Variants in CSMD1 observed in about 807,000 individuals in gnomAD.
CSMD1 encodes the protein CUB and Sushi multiple domains 1.
CSMD1 carries 213 observed loss-of-function variants against 417.5 expected under a neutral mutation model. The ratio of observed to expected loss-of-function variants is 0.51; its 90% CI spans 0.46 to 0.57. CSMD1 has a LOEUF of 0.57. Ranked by LOEUF, CSMD1 falls within the 20% of genes least tolerant of loss-of-function variation. The probability of loss-of-function intolerance (pLI) is 0.00; values close to 1 mark genes in which losing one functional copy is unlikely to be tolerated. For missense variants in CSMD1, 6,923 were observed against 4,529.7 expected, an observed-to-expected ratio of 1.53 and a Z score of -15.17; for synonymous variants, 2,862 against 1,736.8, an observed-to-expected ratio of 1.65 and a Z score of -16.11.
intron 1 of CSMD1, among the ~76,000 whole-genome samples, chr8:4,769,690 G>A (rs944479635): frequency 1.3e-5 from 2 of 152,152 alleles, no homozygotes; most frequent in African/African-American, 2.4e-5. Context: ...GGAGCTGCAC[G>A]TCAGTTGCAT....
At position 4,041,207 on chromosome 8, in the gene CSMD1, C is replaced by T. The variant is rs1020136637; in HGVS notation, c.416-9108G>A. Among the ~76,000 whole-genome samples, 23 of 151,752 alleles carry T rather than the reference C, an allele frequency of 1.5e-4. 1 individual carries two copies. The highest frequency in any genetic ancestry group is 9.2e-4 in the Admixed American group (14 of 15,248). On this transcript the variant is annotated intron_variant, in intron 3 of 69. Transcript: ENST00000635120. ...AATTTTTTTGTATTTTTGGTAGAGA[C>T]GGGGTTTCACCGTGTTAGCCAGGAT...
intron 42 of CSMD1, among the ~76,000 whole-genome samples, chr8:3,110,627 C>G (rs529100337): frequency 6.6e-6 from 1 of 152,304 alleles, no homozygotes; most frequent in African/African-American, 2.4e-5. Context: ...CCTTAGTTAA[C>G]ACTTGTGACC....
intron 26 of CSMD1, among the ~76,000 whole-genome samples, chr8:3,249,490 C>T (rs763808336): frequency 6.6e-6 from 1 of 152,114 alleles, no homozygotes; most frequent in Non-Finnish European, 1.5e-5. Flanking sequence ...TCCCAAAATG[C>T]TGGGATTACA....
intron 2 of CSMD1, among the ~76,000 whole-genome samples, chr8:4,518,204 A>T (rs921190422): frequency 1.3e-5 from 2 of 152,158 alleles, no homozygotes; most frequent in African/African-American, 4.8e-5. Flanking sequence ...GGGCTGACTC[A>T]ATGCCTCATG....
chr8:3,679,835 A>G (rs557803672), intron 7 of CSMD1, among the ~76,000 whole-genome samples: 1 of 152,104 alleles, frequency 6.6e-6, no homozygotes, highest in African/African-American at 2.4e-5. Flanking sequence ...AACAAACTGT[A>G]TCTCAGACCA....
At chr8:3,062,651 T>C (rs570063669) in intron 49 of CSMD1, among the ~76,000 whole-genome samples, 7 of 149,686 alleles carry the variant, frequency 4.7e-5, no homozygotes, top group African/African-American at 1.7e-4. Flanking sequence ...CTCTTGAAAA[T>C]ATCTAGCACT....
intron 1 of CSMD1, among the ~76,000 whole-genome samples, chr8:4,957,210 C>G (rs4354327): frequency 0.33 from 49,976 of 152,048 alleles, 8,680 homozygotes; most frequent in Non-Finnish European, 0.36. Flanking sequence ...CTATAGCAAA[C>G]TGTTCTGCCT....
chr8:4,206,637 A>G (rs1331756209), intron 3 of CSMD1, among the ~76,000 whole-genome samples: 3 of 152,212 alleles, frequency 2.0e-5, no homozygotes, highest in Admixed American at 2.0e-4. Context: ...CAGTGATGCA[A>G]TAAACGTATG....
chr8:4,536,042 G>C (rs139040189), intron 2 of CSMD1, among the ~76,000 whole-genome samples: 1 of 152,094 alleles, frequency 6.6e-6, no homozygotes, highest in African/African-American at 2.4e-5. Flanking sequence ...TTTGAAAACA[G>C]CTGAAAATTT....
intron 7 of CSMD1, among the ~76,000 whole-genome samples, chr8:3,687,772 C>T (rs1023966574): frequency 4.6e-5 from 7 of 152,166 alleles, no homozygotes; most frequent in South Asian, 2.1e-4. Context: ...CCAAGTCTGG[C>T]CTGTAAAAAC....
intron 7 of CSMD1, among the ~76,000 whole-genome samples, chr8:3,656,136 C>T (rs763459505): frequency 8.5e-5 from 13 of 152,192 alleles, no homozygotes; most frequent in Admixed American, 3.3e-4. Context: ...CTCATTGGGG[C>T]GAAAGCCTCT....
intron 2 of CSMD1, among the ~76,000 whole-genome samples, chr8:4,491,203 A>T (rs1801679957): frequency 6.6e-6 from 1 of 152,198 alleles, no homozygotes; most frequent in Non-Finnish European, 1.5e-5. Flanking sequence ...TTAAAATACA[A>T]GTTAAAATAA....
At chr8:4,062,773 T>C (rs1297076816) in intron 3 of CSMD1, among the ~76,000 whole-genome samples, 1 of 151,268 alleles carries the variant, frequency 6.6e-6, no homozygotes, top group East Asian at 1.9e-4. Flanking sequence ...CTCAGTAAAA[T>C]CTGATTGTTC....
intron 5 of CSMD1, among the ~76,000 whole-genome samples, chr8:3,801,220 T>C (rs780088144): frequency 2.0e-5 from 3 of 148,112 alleles, no homozygotes; most frequent in Non-Finnish European, 4.5e-5. Context: ...TCCAAAACGG[T>C]CTAATAACCA....
chr8:4,607,289 CAA>C (rs34033842), intron 2 of CSMD1, among the ~76,000 whole-genome samples: 1 of 136,042 alleles, frequency 7.4e-6, no homozygotes, highest in Non-Finnish European at 1.6e-5. Flanking sequence ...AAATAAATAA[CAA>C]AAAAAAATGC....
At chr8:4,204,288 A>G (rs1420514408) in intron 3 of CSMD1, among the ~76,000 whole-genome samples, 3 of 152,012 alleles carry the variant, frequency 2.0e-5, no homozygotes, top group Admixed American at 6.6e-5. Flanking sequence ...CTCAATTTGG[A>G]AGTTTTTGGT....
At chr8:3,862,742 G>A (rs534300727) in intron 5 of CSMD1, among the ~76,000 whole-genome samples, 1 of 152,090 alleles carries the variant, frequency 6.6e-6, no homozygotes, top group Non-Finnish European at 1.5e-5. Flanking sequence ...TAGGAGAAAT[G>A]ATTATGTTTG....
rs544523647 is a variant in CSMD1 at position 3,919,550 on chromosome 8, T to C, written c.818+78353A>G. On this transcript the variant is annotated intron_variant, in intron 5 of 69. Coordinates refer to ENST00000635120, the MANE Select transcript of CSMD1 (RefSeq NM_033225.6). ...TTATTACTGAAGATTGGTAATATAA[T>C]TTGATATCAGGACATGTGATGCCTT... 2.0e-5 allele frequency among the ~76,000 whole-genome samples: 3 copies of C among 152,262 alleles called. No individual in the cohort carries two copies. The South Asian group carries it at 6.2e-4, about 32-fold the overall frequency.
At chr8:4,340,523 A>G (rs1181256122) in intron 3 of CSMD1, among the ~76,000 whole-genome samples, 4 of 152,054 alleles carry the variant, frequency 2.6e-5, no homozygotes, top group South Asian at 4.1e-4. Flanking sequence ...AGACTTTATT[A>G]TATGTCAGAT....
Sources: allele counts gnomAD v4.1 joint callset (sites outside exome capture counted in the v4.1 genomes callset), GRCh38; gene constraint gnomAD v4.1.1; transcripts MANE v1.5; gene names NCBI Gene and HGNC (gene_info 2026-07-23, HGNC 2026-07-21).